EYS: variants seen among roughly 807,000 people sequenced by gnomAD.
EYS encodes protein eyes shut homolog.
Under a neutral mutation model 282.1 loss-of-function variants are expected in EYS, and 250 were observed. That is an observed-to-expected ratio of 0.89 (90% CI 0.80 to 0.98). The LOEUF is 0.98. EYS is among the 50% of genes least tolerant of loss of function. EYS has a pLI of 0.00. For synonymous variants in EYS, 1,355 were observed against 1,282.9 expected (o/e 1.06, Z -1.20); for missense variants, 4,016 against 3,709.0 (o/e 1.08, Z -2.15).
intron 31 of EYS, among the ~76,000 whole-genome samples, chr6:64,199,940 T>C (rs562688688): frequency 6.6e-6 from 1 of 152,102 alleles, no homozygotes. Context: ...TGTCCCTTAG[T>C]AGGTGAATGG....
At chr6:65,411,046 T>A (rs2150369821) in intron 5 of EYS, among the ~76,000 whole-genome samples, 1 of 152,162 alleles carries the variant, frequency 6.6e-6, no homozygotes, top group South Asian at 2.1e-4. Flanking sequence ...TTGATAATTT[T>A]AAAAACTGCA....
chr6:65,270,836 C>A (rs1016001926), intron 12 of EYS, among the ~76,000 whole-genome samples: 7 of 151,812 alleles, frequency 4.6e-5, no homozygotes, highest in Non-Finnish European at 1.0e-4. Flanking sequence ...CTCGTTTTCA[C>A]CTGAGACCAT....
chr6:64,746,848 CA>C (rs1375800562), intron 22 of EYS, among the ~76,000 whole-genome samples: 1 of 152,226 alleles, frequency 6.6e-6, no homozygotes, highest in Non-Finnish European at 1.5e-5. Flanking sequence ...CATAAATATA[CA>C]TGCAATTTTA....
chr6:64,452,609 T>C (rs927731430), intron 26 of EYS, among the ~76,000 whole-genome samples: 1 of 152,192 alleles, frequency 6.6e-6, no homozygotes, highest in African/African-American at 2.4e-5. Context: ...CTTCAAACTA[T>C]ACTACAAGGC....
intron 5 of EYS, among the ~76,000 whole-genome samples, chr6:65,463,234 G>T (rs1764882306): frequency 1.3e-5 from 2 of 151,992 alleles, no homozygotes; most frequent in African/African-American, 4.8e-5. Context: ...TCTTTAAATT[G>T]CACCCCTGAC....
At chr6:63,995,337 C>CA (rs1268710010) in intron 34 of EYS, among the ~76,000 whole-genome samples, 3 of 151,936 alleles carry the variant, frequency 2.0e-5, no homozygotes, top group Admixed American at 6.6e-5. Flanking sequence ...AAATGCAAAT[C>CA]AAAACCACAA....
chr6:64,029,428 T>C lies in EYS; in HGVS notation c.6726-30245A>G, dbSNP rs573542285. ...TGGACTACTTATGATGTAAATGGCA[T>C]ACTAGGTGCCAAAGGAAGTTTATGG... On this transcript the variant is annotated intron_variant, in intron 33 of 42. Transcript: ENST00000503581. Among the ~76,000 whole-genome samples, 5 of 152,338 alleles carry C rather than the reference T, an allele frequency of 3.3e-5. No individual in the cohort carries two copies. The East Asian group carries it at 9.6e-4, about 29-fold the overall frequency.
chr6:64,763,540 G>A (rs115589215), intron 22 of EYS, among the ~76,000 whole-genome samples: 107 of 152,006 alleles, frequency 7.0e-4, no homozygotes, highest in Middle Eastern at 6.8e-3. Flanking sequence ...AATCCCAACT[G>A]GAGTTGAGAT....
At chr6:64,355,205 TATAATACACATGGGAA>T (rs1313271989) in intron 29 of EYS, among the ~76,000 whole-genome samples, 3 of 151,660 alleles carry the variant, frequency 2.0e-5, no homozygotes, top group Non-Finnish European at 4.4e-5. Flanking sequence ...CGATTGTGTG[TATAATACACATGGGAA>T]AACAGAATTT....
At chr6:64,444,659 A>T (rs988050030) in intron 26 of EYS, among the ~76,000 whole-genome samples, 7 of 152,308 alleles carry the variant, frequency 4.6e-5, no homozygotes, top group African/African-American at 1.7e-4. Context: ...CTGAAAGCAC[A>T]TACTATAGCT....
chr6:65,479,200 T>G (rs1291530280), intron 5 of EYS, among the ~76,000 whole-genome samples: 7 of 152,290 alleles, frequency 4.6e-5, no homozygotes, highest in Non-Finnish European at 7.4e-5. Flanking sequence ...GGAGAATTCT[T>G]AATCTACCAT....
chr6:65,228,643 G>T (rs1378127053), intron 12 of EYS, among the ~76,000 whole-genome samples: 1 of 151,930 alleles, frequency 6.6e-6, no homozygotes, highest in Non-Finnish European at 1.5e-5. Flanking sequence ...TATAGTCCCA[G>T]TGAAAATCCT....
chr6:65,120,963 G>A (rs541442899), intron 12 of EYS, among the ~76,000 whole-genome samples: 6 of 151,994 alleles, frequency 3.9e-5, no homozygotes, highest in South Asian at 2.1e-4. Context: ...TTCATCTTCC[G>A]TTCTGCTGCA....
chr6:65,355,921 A>G (rs1349531932), intron 8 of EYS, among the ~76,000 whole-genome samples: 1 of 152,074 alleles, frequency 6.6e-6, no homozygotes, highest in African/African-American at 2.4e-5. Context: ...TCGTATGGGA[A>G]TTTCTCAGAG....
chr6:64,746,567 T>C (rs1051216306), intron 22 of EYS, among the ~76,000 whole-genome samples: 1 of 152,230 alleles, frequency 6.6e-6, no homozygotes, highest in African/African-American at 2.4e-5. Flanking sequence ...ATTTATGTGT[T>C]TTTTAAACCA....
chr6:64,849,242 A>T (rs2150040512), intron 19 of EYS, among the ~76,000 whole-genome samples: 1 of 151,784 alleles, frequency 6.6e-6, no homozygotes, highest in South Asian at 2.1e-4. Context: ...TACTGACTTT[A>T]TATTTTTATA....
chr6:65,626,126 T>G (rs910459562), intron 2 of EYS, among the ~76,000 whole-genome samples: 1 of 152,136 alleles, frequency 6.6e-6, no homozygotes, highest in Non-Finnish European at 1.5e-5. Context: ...AAATATCATC[T>G]CCTATACACG....
At chr6:63,765,788 C>G (rs1220255791) in intron 40 of EYS, among the ~76,000 whole-genome samples, 2 of 151,988 alleles carry the variant, frequency 1.3e-5, no homozygotes, top group East Asian at 3.9e-4. Context: ...TCCCCACCTC[C>G]CTGTTACCTA....
At chr6:64,649,344 C>CTTT (rs11388058) in intron 22 of EYS, among the ~76,000 whole-genome samples, 6 of 149,140 alleles carry the variant, frequency 4.0e-5, no homozygotes, top group Admixed American at 6.7e-5. Context: ...CTATAACTGC[C>CTTT]TTTTTTTTTT....
Sources: allele counts gnomAD v4.1 joint callset (sites outside exome capture counted in the v4.1 genomes callset), GRCh38; gene constraint gnomAD v4.1.1; transcripts MANE v1.5; gene names NCBI Gene and HGNC (gene_info 2026-07-23, HGNC 2026-07-21).